The following NRP2 variants were observed in gnomAD, a reference collection of about 807,000 sequenced individuals.
NRP2 encodes the protein neuropilin-2.
NRP2 carries 52 observed loss-of-function variants against 110.4 expected under a neutral mutation model. The observed-to-expected ratio is 0.47, with a 90% CI of 0.38 to 0.59. The LOEUF (loss-of-function observed/expected upper bound fraction) is 0.59. Among genes scored for constraint, NRP2 ranks in the 20% least tolerant of loss-of-function variants. NRP2 has a pLI of 0.00. For missense variants in NRP2, 1,049 were observed against 1,203.0 expected (o/e 0.87, Z 1.89); for synonymous variants, 508 against 468.9 (o/e 1.08, Z -1.08).
At chr2:205,700,146 T>A (rs2056522088) in intron 2 of NRP2, among the ~76,000 whole-genome samples, 1 of 152,218 alleles carries the variant, frequency 6.6e-6, no homozygotes, top group African/African-American at 2.4e-5. Flanking sequence ...GAACAATTAA[T>A]CTAATTGAAG....
intron 1 of NRP2, among the ~76,000 whole-genome samples, chr2:205,692,559 A>G (rs2056335117): frequency 6.6e-6 from 1 of 152,228 alleles, no homozygotes; most frequent in Non-Finnish European, 1.5e-5. Context: ...TGACATGCTC[A>G]CACACAGAAC....
chr2:205,750,948 T>G (rs1236215791), intron 11 of NRP2, among the ~76,000 whole-genome samples: 6 of 152,214 alleles, frequency 3.9e-5, no homozygotes, highest in Non-Finnish European at 7.3e-5. Flanking sequence ...AGCAATAATT[T>G]AATGCATATG....
rs930615331 is a variant in NRP2, at chr2:205,725,536, C to T, written c.821-377C>T. On this transcript the variant is annotated intron_variant, in intron 5 of 16. Coordinates refer to ENST00000357785, the MANE Select transcript of NRP2 (RefSeq NM_003872.3). This position sits in a 1 kb window ranked among gnomAD's most constrained non-coding sequence, Gnocchi z 4.1. ...GTTTATTAATAAAGCAGGCTTCCCA[C>T]GATGTATGAGCTCACCCAAATCGCC... is the stretch of plus-strand genomic sequence containing the variant. Among the ~76,000 whole-genome samples, 1 of 152,192 alleles carries T rather than the reference C, an allele frequency of 6.6e-6. No homozygotes were observed. Among genetic ancestry groups the T allele is most frequent in the African/African-American group, 2.4e-5 (1 of 41,434 alleles).
intron 7 of NRP2, among the ~76,000 whole-genome samples, chr2:205,732,191 C>A (rs2057253290): frequency 6.6e-6 from 1 of 152,194 alleles, no homozygotes; most frequent in African/African-American, 2.4e-5. Context: ...TGGCTTAACC[C>A]ACTAGGCTCA....
At chr2:205,714,721 G>T (rs1340836566) in intron 2 of NRP2, among the ~76,000 whole-genome samples, 1 of 152,162 alleles carries the variant, frequency 6.6e-6, no homozygotes, top group East Asian at 1.9e-4. Flanking sequence ...ACTCTAAGGA[G>T]CTTCAGCGGT....
rs563891088 is a variant in NRP2, at chr2:205,766,761, A to G, written c.2405-22A>G. 7.4e-6 allele frequency: 12 copies of G among 1,611,824 alleles called. No individual in the cohort carries two copies. In the South Asian group the frequency reaches 9.9e-5, roughly 13 times the overall value. ...TGTTTCTTGCCTTTAACTAAGTCCAATTTTTTGTTTGTTTTTTTCAGAACC... is the reference window on the plus strand; with the variant it reads ...TGTTTCTTGCCTTTAACTAAGTCCAGTTTTTTGTTTGTTTTTTTCAGAACC... On this transcript the variant is annotated intron_variant, in intron 14 of 16. Transcript: ENST00000357785.
At chr2:205,731,786 G>A (rs1354448824) in intron 7 of NRP2, among the ~76,000 whole-genome samples, 1 of 152,142 alleles carries the variant, frequency 6.6e-6, no homozygotes, top group Non-Finnish European at 1.5e-5. Context: ...GGTAAGACTT[G>A]GGTCCAAGAA....
intron 15 of NRP2, 39 bp downstream of exon 15, chr2:205,766,842 AT>A (rs1559357845): frequency 6.3e-7 from 1 of 1,583,918 alleles, no homozygotes; most frequent in East Asian, 2.2e-5. Context: ...TTTTTTTTGC[AT>A]GCTTTTTCCT....
rs367901430 is a variant in NRP2 at position 205,716,199 on chromosome 2, C to T, written c.258C>T (p.Asp86=). Residue 86 remains aspartate (D), a synonymous_variant, in exon 3 of 17, where the codon GAC becomes GAT. Transcript: ENST00000357785. Reference sequence around the variant, plus strand: ...CTGTGCCATCCCCACCCAGGTATGACTTTATCGAGATTCGGGATGGGGACA... The same window carrying T: ...CTGTGCCATCCCCACCCAGGTATGATTTTATCGAGATTCGGGATGGGGACA... ...FEIEKHDCKY[D]FIEIRDGDSE... 10 of 1,614,050 alleles carry T rather than the reference C, an allele frequency of 6.2e-6. No homozygotes were observed. Among genetic ancestry groups the T allele is most frequent in the African/African-American group, 1.3e-5 (1 of 74,902 alleles).
intron 7 of NRP2, among the ~76,000 whole-genome samples, chr2:205,737,148 A>G (rs2057359112): frequency 6.6e-6 from 1 of 152,246 alleles, no homozygotes; most frequent in Non-Finnish European, 1.5e-5. Flanking sequence ...CTGGTATTGA[A>G]CCAACACATC....
chr2:205,703,522 C>T (rs148925442), intron 2 of NRP2, among the ~76,000 whole-genome samples: 130 of 152,306 alleles, frequency 8.5e-4, no homozygotes, highest in African/African-American at 3.0e-3. Flanking sequence ...AAGCCAGATA[C>T]CCTAGTTTTC....
chr2:205,754,869 C>T lies in NRP2; in HGVS notation c.2044+1894C>T, dbSNP rs186045998. Among the ~76,000 whole-genome samples the T allele has an allele frequency of 7.9e-4, 120 of 152,142 alleles. 1 individual carries two copies. The highest frequency in any genetic ancestry group is 2.6e-3 in the African/African-American group (109 of 41,476). On this transcript the variant is annotated intron_variant, in intron 12 of 16. Transcript: ENST00000357785. Reference sequence around the variant, plus strand: ...GGCGCTTGGAATAAAAGGATATAGCCGGGGTCCTCTGCAGGCTGGGGAGGT... The same window carrying T: ...GGCGCTTGGAATAAAAGGATATAGCTGGGGTCCTCTGCAGGCTGGGGAGGT...
In NRP2 at chr2:205,781,206, G is replaced by T. The variant is rs1401276523; in HGVS notation, c.2426-11029G>T. On this transcript the variant is annotated intron_variant, in intron 15 of 16. Transcript: ENST00000357785. ...GTTCTAGTCCCAAGACTTATTTTAA[G>T]GGTACTTACTCCCCCTAAAAGGGCA... 6.6e-5 allele frequency among the ~76,000 whole-genome samples: 10 copies of T among 152,280 alleles called. No individual in the cohort carries two copies. In the East Asian group the frequency reaches 1.9e-3, roughly 29 times the overall value.
At position 205,743,245 on chromosome 2, in the gene NRP2, T is replaced by C. The variant is rs1240314590; in HGVS notation, c.1334T>C (p.Ile445Thr). 2.5e-6 allele frequency: 4 copies of C among 1,614,000 alleles called. No homozygotes were observed. Among genetic ancestry groups the C allele is most frequent in the Non-Finnish European group, 3.4e-6 (4 of 1,180,034 alleles). Residue 445 changes from isoleucine to threonine, a missense_variant, in exon 9 of 17, where the codon ATT becomes ACT. Coordinates refer to ENST00000357785, the MANE Select transcript of NRP2 (RefSeq NM_003872.3). The part of the protein sequence containing the change: ...SNMLGMLSGL[I>T]ADSQISASST... ...ATGCTGGGGATGCTCTCAGGCCTCA[T>C]TGCAGACTCCCAGATCTCCGCCTCT...
chr2:205,721,374 A>G (rs1480674374), intron 3 of NRP2, among the ~76,000 whole-genome samples: 2 of 152,158 alleles, frequency 1.3e-5, no homozygotes, highest in African/African-American at 4.8e-5. Flanking sequence ...ATCTGAACAT[A>G]ACGAGTGAAA....
At chr2:205,749,567 C>A in intron 10 of NRP2, 158 bp from the exon 11 acceptor site, 2 of 638,686 alleles carry the variant, frequency 3.1e-6, no homozygotes, top group Admixed American at 2.2e-5. Context: ...TATGGTGATG[C>A]CCCTGACTTC....
intron 15 of NRP2, among the ~76,000 whole-genome samples, chr2:205,772,159 C>T (rs545177162): frequency 1.3e-5 from 2 of 152,334 alleles, no homozygotes; most frequent in Admixed American, 1.3e-4. Context: ...CTCAAGTACT[C>T]AGGTCTCCCT....
chr2:205,788,926 G>A (rs2058267241), intron 15 of NRP2, among the ~76,000 whole-genome samples: 1 of 152,148 alleles, frequency 6.6e-6, no homozygotes, highest in South Asian at 2.1e-4. Context: ...GTTGGTTAAT[G>A]AAAACTGCCC....
Position 205,749,782 on chromosome 2 carries a change from C to T in NRP2, c.1844C>T (p.Thr615Ile), listed in dbSNP as rs754749957. ...ACTGTGAAGAGCGAAGAGACAACCA[C>T]CCCCTACCCCACCGAAGAGGAGGCC... Reference protein sequence around the residue: ...GPTVKSEETTTPYPTEEEATE... With the variant: ...GPTVKSEETTIPYPTEEEATE... Residue 615 changes from threonine (T) to isoleucine (I), a missense_variant, in exon 11 of 17, where the codon ACC becomes ATC. Physicochemically the swap from Thr to Ile is moderately conservative, Grantham distance 89. Transcript: ENST00000357785. The T allele has an allele frequency of 1.1e-5, 18 of 1,614,022 alleles. No individual in the cohort carries two copies. The highest frequency in any genetic ancestry group is 1.1e-4 in the South Asian group (10 of 91,086).
Sources: allele counts gnomAD v4.1 joint callset (sites outside exome capture counted in the v4.1 genomes callset), GRCh38; gene constraint gnomAD v4.1.1; non-coding constraint Gnocchi (gnomAD v3.1); transcripts MANE v1.5; gene names NCBI Gene and HGNC (gene_info 2026-07-23, HGNC 2026-07-21).